The following CDH13 variants were observed in gnomAD, a reference collection of about 807,000 sequenced individuals.
The protein encoded by CDH13 is cadherin 13.
Under a neutral mutation model 63.8 loss-of-function variants are expected in CDH13, and 24 were observed. That is an observed-to-expected ratio of 0.38 (90% confidence interval 0.27 to 0.53). The LOEUF (loss-of-function observed/expected upper bound fraction) is 0.53. Among genes scored for constraint, CDH13 ranks in the 20% least tolerant of loss-of-function variants. The probability of loss-of-function intolerance (pLI) is 0.85; values close to 1 mark genes in which losing one functional copy is unlikely to be tolerated. For missense variants in CDH13, 1,049 were observed against 903.1 expected, an observed-to-expected ratio of 1.16 and a Z score of -2.07; for synonymous variants, 503 against 355.3, an observed-to-expected ratio of 1.42 and a Z score of -4.67.
chr16:83,712,865 C>G (rs577491657), intron 10 of CDH13, among the ~76,000 whole-genome samples: 1 of 152,318 alleles, frequency 6.6e-6, no homozygotes, highest in Non-Finnish European at 1.5e-5. Flanking sequence ...TCTAAAAATT[C>G]AGCCCTATTA....
intron 10 of CDH13, among the ~76,000 whole-genome samples, chr16:83,727,737 C>G (rs1346420046): frequency 6.6e-6 from 1 of 152,076 alleles, no homozygotes; most frequent in Non-Finnish European, 1.5e-5. Context: ...CCTGTGTGTT[C>G]AGGACAGGAG....
chr16:82,647,247 T>C (rs1489175565), intron 1 of CDH13, among the ~76,000 whole-genome samples: 1 of 152,184 alleles, frequency 6.6e-6, no homozygotes, highest in Non-Finnish European at 1.5e-5. Context: ...GCAAATAATA[T>C]GGCCTCAGAA....
chr16:83,055,177 A>G (rs1193281961), intron 3 of CDH13, among the ~76,000 whole-genome samples: 3 of 152,132 alleles, frequency 2.0e-5, no homozygotes, highest in Non-Finnish European at 4.4e-5. Flanking sequence ...TTGAGAATCC[A>G]GATAAAGTAG....
intron 7 of CDH13, among the ~76,000 whole-genome samples, chr16:83,503,438 C>A (rs747605259): frequency 6.6e-6 from 1 of 152,180 alleles, no homozygotes; most frequent in South Asian, 2.1e-4. Flanking sequence ...GATGCCTCTG[C>A]CCAGGAGGAG....
intron 1 of CDH13, chr16:82,705,019 A>C (rs1399165746): frequency 2.5e-6 from 1 of 397,952 alleles, no homozygotes; most frequent in Non-Finnish European, 4.9e-6. Flanking sequence ...ATGCATTGCC[A>C]CTGGACGGGA....
intron 2 of CDH13, among the ~76,000 whole-genome samples, chr16:83,031,109 T>A (rs1916266668): frequency 6.7e-6 from 1 of 150,294 alleles, no homozygotes; most frequent in Non-Finnish European, 1.5e-5. Flanking sequence ...TGTGTACATA[T>A]GTGTACATGT....
intron 2 of CDH13, among the ~76,000 whole-genome samples, chr16:82,956,257 C>G (rs545850949): frequency 6.6e-6 from 1 of 152,140 alleles, no homozygotes; most frequent in African/African-American, 2.4e-5. Context: ...CCTTCTACTT[C>G]TCTCTGACAG....
intron 7 of CDH13, among the ~76,000 whole-genome samples, chr16:83,525,105 T>C (rs546211811): frequency 2.6e-5 from 4 of 152,266 alleles, no homozygotes; most frequent in South Asian, 4.1e-4. Flanking sequence ...AAAACCTCTC[T>C]CTCCCGGTGT....
At chr16:82,963,225 A>G (rs1007310755) in intron 2 of CDH13, among the ~76,000 whole-genome samples, 1 of 151,726 alleles carries the variant, frequency 6.6e-6, no homozygotes, top group Non-Finnish European at 1.5e-5. Flanking sequence ...ACAAAAAAAA[A>G]AAAAATTGCC....
At chr16:83,649,939 A>G (rs978940783) in intron 8 of CDH13, among the ~76,000 whole-genome samples, 1 of 152,204 alleles carries the variant, frequency 6.6e-6, no homozygotes, top group African/African-American at 2.4e-5. Context: ...GGAGGGGAAA[A>G]TGGATGACAT....
chr16:82,763,344 T>C (rs1304292367), intron 1 of CDH13, among the ~76,000 whole-genome samples: 1 of 152,222 alleles, frequency 6.6e-6, no homozygotes, highest in African/African-American at 2.4e-5. Flanking sequence ...ATTTATAAGT[T>C]GCTTATTTTC....
chr16:83,497,588 C>T (rs1166627872), intron 7 of CDH13, among the ~76,000 whole-genome samples: 2 of 151,834 alleles, frequency 1.3e-5, no homozygotes, highest in African/African-American at 4.8e-5. Flanking sequence ...GTGCAGCGCA[C>T]CAGCATGGCA....
At position 83,247,877 on chromosome 16, in the gene CDH13, A is replaced by G. The variant is rs191410050; in HGVS notation, c.636+30380A>G. The stretch of plus-strand genomic sequence containing the variant: ...AGAACAAAATGTGCTTCCAAAGGAC[A>G]GATGATTCTTCAAAGAGAGCTACTG... On this transcript the variant is annotated intron_variant, in intron 5 of 13. Coordinates refer to ENST00000567109, the MANE Select transcript of CDH13 (RefSeq NM_001257.5). 1.5e-4 allele frequency among the ~76,000 whole-genome samples: 23 copies of G among 152,350 alleles called. No individual in the cohort carries two copies. In the East Asian group the frequency reaches 2.1e-3, roughly 14 times the overall value.
At chr16:83,001,989 A>T (rs922123540) in intron 2 of CDH13, among the ~76,000 whole-genome samples, 2 of 152,200 alleles carry the variant, frequency 1.3e-5, no homozygotes, top group African/African-American at 2.4e-5. Flanking sequence ...CATTCCAGGG[A>T]CTGTTTGTAT....
At chr16:82,836,429 C>T (rs575382134) in intron 1 of CDH13, among the ~76,000 whole-genome samples, 1 of 152,166 alleles carries the variant, frequency 6.6e-6, no homozygotes, top group African/African-American at 2.4e-5. Context: ...GGATTACAGG[C>T]ATGAGCCGCT....
rs573161220 is a variant in CDH13 at position 83,499,995 on chromosome 16, G to C, written c.960+13340G>C. On this transcript the variant is annotated intron_variant, in intron 7 of 13. Transcript: ENST00000567109. The stretch of plus-strand genomic sequence containing the variant: ...TTTTTGTATTTTTAGTAGAGATGGG[G>C]TTTCACCATGTTGGCCAGGCTGGTC... Among the ~76,000 whole-genome samples, 208 of 152,052 alleles carry C rather than the reference G, an allele frequency of 1.4e-3. 5 individuals carry two copies. The South Asian group carries it at 0.04, about 29-fold the overall frequency.
At chr16:82,695,080 TG>T (rs2030102487) in intron 1 of CDH13, among the ~76,000 whole-genome samples, 1 of 151,822 alleles carries the variant, frequency 6.6e-6, no homozygotes, top group Non-Finnish European at 1.5e-5. Flanking sequence ...TCCTGTCGGC[TG>T]GAGGAAGGGC....
chr16:83,724,367 G>A (rs202230246), intron 10 of CDH13, among the ~76,000 whole-genome samples: 1 of 90,746 alleles, frequency 1.1e-5, no homozygotes, highest in African/African-American at 4.7e-5. Flanking sequence ...CATGGGTGGG[G>A]GATGAATGCA....
chr16:83,006,587 C>T (rs188264493), intron 2 of CDH13, among the ~76,000 whole-genome samples: 107 of 152,240 alleles, frequency 7.0e-4, no homozygotes, highest in African/African-American at 2.4e-3. Flanking sequence ...CAGCCCATAT[C>T]CCAATGAGGG....
Sources: allele counts gnomAD v4.1 joint callset (sites outside exome capture counted in the v4.1 genomes callset), GRCh38; gene constraint gnomAD v4.1.1; transcripts MANE v1.5; gene names NCBI Gene and HGNC (gene_info 2026-07-23, HGNC 2026-07-21).